STAC: variants seen among roughly 807,000 people sequenced by gnomAD.
STAC encodes SH3 and cysteine-rich domain-containing protein.
In STAC, 43 loss-of-function variants were observed where a neutral mutation model predicts 48.8. That is an observed-to-expected ratio of 0.88 (90% CI 0.69 to 1.14). STAC has a LOEUF of 1.14. STAC is among the 50% of genes most tolerant of loss of function. STAC has a pLI of 0.00. For missense variants in STAC, 497 were observed against 504.0 expected, an observed-to-expected ratio of 0.99 and a Z score of 0.13; for synonymous variants, 193 against 179.5, an observed-to-expected ratio of 1.07 and a Z score of -0.60.
At chr3:36,509,981 G>C (rs1698496059) in intron 8 of STAC, among the ~76,000 whole-genome samples, 1 of 152,094 alleles carries the variant, frequency 6.6e-6, no homozygotes, top group Admixed American at 6.5e-5. Context: ...AAACTAAAGA[G>C]TTTGTGCACA....
chr3:36,544,954 C>G (rs529764891), intron 10 of STAC, among the ~76,000 whole-genome samples: 52 of 152,276 alleles, frequency 3.4e-4, no homozygotes, highest in African/African-American at 1.2e-3. Flanking sequence ...ATTGTATGTC[C>G]CAAGCTCCAG....
chr3:36,493,098 T>C (rs190071615), intron 5 of STAC, 53 bp from the exon 6 acceptor site: 14 of 1,555,162 alleles, frequency 9.0e-6, no homozygotes, highest in South Asian at 7.9e-5. Context: ...ATCTGCTCAA[T>C]TGACCACAGA....
At chr3:36,392,490 C>T (rs1304315645) in intron 1 of STAC, among the ~76,000 whole-genome samples, 1 of 152,136 alleles carries the variant, frequency 6.6e-6, no homozygotes, top group Non-Finnish European at 1.5e-5. Flanking sequence ...CAGGCACATA[C>T]AATCATGCCC....
chr3:36,520,913 C>G (rs997811446), intron 8 of STAC, among the ~76,000 whole-genome samples: 4 of 152,164 alleles, frequency 2.6e-5, no homozygotes, highest in Admixed American at 2.6e-4. Flanking sequence ...GGTCTATGGA[C>G]TTGGGAAAGT....
At chr3:36,481,872 T>C (rs1482057756) in intron 2 of STAC, among the ~76,000 whole-genome samples, 1 of 152,052 alleles carries the variant, frequency 6.6e-6, no homozygotes, top group East Asian at 1.9e-4. Flanking sequence ...GGTCAAGCTG[T>C]TAAAATAGTC....
intron 1 of STAC, among the ~76,000 whole-genome samples, chr3:36,408,167 T>C (rs1036169935): frequency 1.3e-5 from 2 of 152,228 alleles, no homozygotes; most frequent in Non-Finnish European, 2.9e-5. Context: ...ACAGTGACTA[T>C]CCCATCACTT....
At chr3:36,517,741 T>A (rs2125722935) in intron 8 of STAC, among the ~76,000 whole-genome samples, 1 of 152,312 alleles carries the variant, frequency 6.6e-6, no homozygotes, top group African/African-American at 2.4e-5. Context: ...GTCATTATTA[T>A]CATATACTGC....
At chr3:36,423,532 G>A (rs1380498297) in intron 1 of STAC, among the ~76,000 whole-genome samples, 1 of 151,686 alleles carries the variant, frequency 6.6e-6, no homozygotes, top group Non-Finnish European at 1.5e-5. Flanking sequence ...TATATTAGAT[G>A]CGTGTTTTTT....
In STAC at chr3:36,486,163, G is replaced by C. The variant is rs199662305; in HGVS notation, c.601G>C (p.Glu201Gln). Residue 201 changes from glutamate (E) to glutamine (Q), a missense_variant, in exon 5 of 11, where the codon GAG becomes CAG. Coordinates refer to ENST00000273183, the MANE Select transcript of STAC (RefSeq NM_003149.3). ...TGGCAATAAGGTGGACCCTGTCTAC[G>C]AGACCCTCCGCTTCGGCACCTCCCT... Reference protein sequence around the residue: ...ACGNKVDPVYETLRFGTSLAQ... With the variant: ...ACGNKVDPVYQTLRFGTSLAQ... The C allele has an allele frequency of 2.3e-5, 37 of 1,613,798 alleles. No homozygotes were observed. Among genetic ancestry groups the C allele is most frequent in the Non-Finnish European group, 4.2e-6 (5 of 1,179,892 alleles).
chr3:36,411,220 C>A (rs141943606), intron 1 of STAC, among the ~76,000 whole-genome samples: 191 of 152,276 alleles, frequency 1.3e-3, no homozygotes, highest in African/African-American at 3.9e-3. Context: ...ACTGCCATAC[C>A]CCTGGCCTAA....
chr3:36,455,127 T>TA (rs1259805942), intron 2 of STAC, among the ~76,000 whole-genome samples: 1 of 152,206 alleles, frequency 6.6e-6, no homozygotes, highest in Non-Finnish European at 1.5e-5. Context: ...AGTCATTCCC[T>TA]AGAGTTCACC....
intron 1 of STAC, among the ~76,000 whole-genome samples, chr3:36,381,851 C>T (rs756792219): frequency 2.2e-4 from 33 of 152,126 alleles, no homozygotes; most frequent in Non-Finnish European, 3.5e-4. Flanking sequence ...AATCTAAGCC[C>T]GAAAGCTTTA....
intron 2 of STAC, among the ~76,000 whole-genome samples, chr3:36,477,654 A>G (rs1367205829): frequency 6.6e-6 from 1 of 152,166 alleles, no homozygotes; most frequent in Non-Finnish European, 1.5e-5. Context: ...CACGCTCATA[A>G]AAGAGCCCAC....
chr3:36,408,639 G>C (rs1293019191), intron 1 of STAC, among the ~76,000 whole-genome samples: 5 of 152,194 alleles, frequency 3.3e-5, no homozygotes. Flanking sequence ...ACACATACAA[G>C]AGAAAATGCC....
chr3:36,514,853 G>A (rs1289954202), intron 8 of STAC, among the ~76,000 whole-genome samples: 4 of 151,942 alleles, frequency 2.6e-5, no homozygotes, highest in Admixed American at 2.6e-4. Context: ...TGGACAACAT[G>A]GTGACACCCC....
intron 10 of STAC, among the ~76,000 whole-genome samples, chr3:36,536,535 C>G (rs1359569035): frequency 3.3e-5 from 5 of 152,096 alleles, no homozygotes. Flanking sequence ...GGGAAGTGGG[C>G]TAGCCATATG....
chr3:36,533,541 T>C (rs1487130706), intron 10 of STAC, among the ~76,000 whole-genome samples: 1 of 151,112 alleles, frequency 6.6e-6, no homozygotes. Context: ...GGTCAAACAT[T>C]GTTTTTATGT....
chr3:36,399,655 T>C (rs1699961682), intron 1 of STAC, among the ~76,000 whole-genome samples: 2 of 152,172 alleles, frequency 1.3e-5, no homozygotes, highest in African/African-American at 4.8e-5. Flanking sequence ...TTAGTGATCT[T>C]GTCCCCTCAT....
intron 2 of STAC, among the ~76,000 whole-genome samples, chr3:36,444,893 C>G (rs924264097): frequency 2.0e-5 from 3 of 152,082 alleles, no homozygotes; most frequent in African/African-American, 7.2e-5. Context: ...GTTGCTGGGC[C>G]GGGGGCGATG....
Sources: gnomAD v4.1 joint callset for allele counts (sites outside exome capture counted in the v4.1 genomes callset) on GRCh38, gnomAD v4.1.1 for gene constraint, MANE v1.5 for transcripts, NCBI Gene and HGNC (gene_info 2026-07-23, HGNC 2026-07-21) for gene names.